Variants in BMPER observed in about 807,000 individuals in gnomAD.
BMPER encodes the protein BMP-binding endothelial regulator protein.
In BMPER, 45 loss-of-function variants were observed where a neutral mutation model predicts 87.3. The ratio of observed to expected loss-of-function variants is 0.52; its 90% CI spans 0.41 to 0.66. The LOEUF is 0.66. Ranked by LOEUF, BMPER falls within the 30% of genes least tolerant of loss-of-function variation. The pLI, the probability that BMPER is intolerant of heterozygous loss-of-function variation, is 0.00. For synonymous variants in BMPER, 326 were observed against 316.2 expected, an observed-to-expected ratio of 1.03 and a Z score of -0.33; for missense variants, 784 against 867.5, an observed-to-expected ratio of 0.90 and a Z score of 1.21.
chr7:33,942,876 T>A (rs1391414986), intron 3 of BMPER, among the ~76,000 whole-genome samples: 1 of 152,196 alleles, frequency 6.6e-6, no homozygotes, highest in Non-Finnish European at 1.5e-5. Context: ...ATCACTCTGA[T>A]GTTGAAGTGC....
chr7:34,081,237 T>A (rs913672650), intron 12 of BMPER, among the ~76,000 whole-genome samples: 1 of 152,384 alleles, frequency 6.6e-6, no homozygotes, highest in African/African-American at 2.4e-5. Context: ...CCTTTAGGGA[T>A]ATTATCTTTT....
intron 8 of BMPER, among the ~76,000 whole-genome samples, chr7:34,054,055 A>G (rs1046858325): frequency 1.3e-5 from 2 of 152,228 alleles, no homozygotes; most frequent in African/African-American, 4.8e-5. Flanking sequence ...TTACCTGGAT[A>G]GGTAACTTTC....
chr7:34,077,400 G>A (rs147461013), intron 11 of BMPER, among the ~76,000 whole-genome samples: 5 of 152,236 alleles, frequency 3.3e-5, no homozygotes, highest in East Asian at 3.9e-4. Flanking sequence ...AACAGAAAGG[G>A]AGGGTGAATT....
intron 6 of BMPER, among the ~76,000 whole-genome samples, chr7:33,993,342 TC>T (rs1786287467): frequency 2.0e-5 from 3 of 152,216 alleles, no homozygotes; most frequent in South Asian, 2.1e-4. Flanking sequence ...TCTCTAAACT[TC>T]CCTTCTCGCT....
At chr7:34,067,062 A>C (rs1422324000) in intron 11 of BMPER, among the ~76,000 whole-genome samples, 2 of 152,216 alleles carry the variant, frequency 1.3e-5, no homozygotes, top group African/African-American at 4.8e-5. Context: ...GGCTGATTGA[A>C]TATGCCGAGC....
intron 6 of BMPER, among the ~76,000 whole-genome samples, chr7:34,003,071 A>AT (rs1786627972): frequency 6.6e-6 from 1 of 151,576 alleles, no homozygotes; most frequent in African/African-American, 2.4e-5. Flanking sequence ...TGTATGTCTT[A>AT]TGTCTTTTTT....
intron 11 of BMPER, among the ~76,000 whole-genome samples, chr7:34,072,331 G>A (rs907231927): frequency 2.0e-5 from 3 of 152,064 alleles, no homozygotes; most frequent in Non-Finnish European, 4.4e-5. Context: ...CGAATGCATT[G>A]TTTTATAGTT....
At chr7:33,995,469 C>G (rs1250165107) in intron 6 of BMPER, among the ~76,000 whole-genome samples, 3 of 152,134 alleles carry the variant, frequency 2.0e-5, no homozygotes, top group African/African-American at 7.2e-5. Flanking sequence ...AAGGCTCTAT[C>G]ATGGATGCTG....
chr7:34,144,744 G>A lies in BMPER; in HGVS notation c.1876+1384G>A, dbSNP rs551588877. Among the ~76,000 whole-genome samples, 54 of 152,288 alleles carry A rather than the reference G, an allele frequency of 3.5e-4. No homozygotes were observed. In the South Asian group the frequency reaches 0.011, roughly 30 times the overall value. On this transcript the variant is annotated intron_variant, in intron 14 of 14. Coordinates refer to ENST00000649409, the MANE Select transcript of BMPER (RefSeq NM_001365308.1). Reference sequence around the variant, plus strand: ...ATTTAGATTTGAAGGAGAAATGACTGAATAGTTGTCACCTGGTTCAAGGAT... The same window carrying A: ...ATTTAGATTTGAAGGAGAAATGACTAAATAGTTGTCACCTGGTTCAAGGAT...
At chr7:34,078,802 CTG>C in intron 11 of BMPER, 53 bp from the exon 12 acceptor site, 1 of 1,577,960 alleles carries the variant, frequency 6.3e-7, no homozygotes, top group Non-Finnish European at 8.7e-7. Flanking sequence ...CCTGATTTCT[CTG>C]TGAATCCTTG....
intron 2 of BMPER, among the ~76,000 whole-genome samples, chr7:33,925,976 C>T (rs1030276660): frequency 3.3e-5 from 5 of 152,212 alleles, no homozygotes; most frequent in Non-Finnish European, 7.3e-5. Context: ...TCAAAACTGA[C>T]GATTCCTGCC....
At chr7:34,040,231 G>A (rs575027666) in intron 6 of BMPER, among the ~76,000 whole-genome samples, 2 of 152,266 alleles carry the variant, frequency 1.3e-5, no homozygotes, top group South Asian at 4.1e-4. Flanking sequence ...AGGAAGTGCT[G>A]CTGCCTGGTG....
chr7:34,028,913 G>C (rs1026289645), intron 6 of BMPER, among the ~76,000 whole-genome samples: 1 of 151,936 alleles, frequency 6.6e-6, no homozygotes, highest in African/African-American at 2.4e-5. Context: ...AATGATTTAG[G>C]CTGAACGATT....
At chr7:34,019,204 C>T (rs1787116726) in intron 6 of BMPER, among the ~76,000 whole-genome samples, 2 of 151,976 alleles carry the variant, frequency 1.3e-5, no homozygotes, top group South Asian at 4.2e-4. Context: ...GAGAACATTC[C>T]TTTCTTCCTT....
At chr7:34,137,385 T>C (rs1239112073) in intron 13 of BMPER, among the ~76,000 whole-genome samples, 1 of 152,206 alleles carries the variant, frequency 6.6e-6, no homozygotes, top group Non-Finnish European at 1.5e-5. Context: ...CAGATATCAG[T>C]GTCCAGCTGT....
chr7:34,030,277 T>G (rs1480479568), intron 6 of BMPER, among the ~76,000 whole-genome samples: 3 of 152,090 alleles, frequency 2.0e-5, no homozygotes, highest in Admixed American at 6.6e-5. Context: ...CTATAGAACC[T>G]TAGGAAAGAC....
chr7:33,957,204 C>T (rs1323146731), intron 3 of BMPER, among the ~76,000 whole-genome samples: 1 of 151,742 alleles, frequency 6.6e-6, no homozygotes, highest in Non-Finnish European at 1.5e-5. Context: ...CCCAGATGCC[C>T]TTCAGTAGGT....
At chr7:34,119,191 G>A (rs1790199708) in intron 13 of BMPER, among the ~76,000 whole-genome samples, 2 of 152,130 alleles carry the variant, frequency 1.3e-5, no homozygotes, top group African/African-American at 4.8e-5. Context: ...AAAACAACGA[G>A]GGATGTGTGA....
chr7:33,924,732 A>G (rs980439629), intron 2 of BMPER, among the ~76,000 whole-genome samples: 1 of 152,172 alleles, frequency 6.6e-6, no homozygotes, highest in Non-Finnish European at 1.5e-5. Context: ...CAATGGCGCA[A>G]TCTTGGCTCA....
Sources: gnomAD v4.1 joint callset for allele counts (sites outside exome capture counted in the v4.1 genomes callset) on GRCh38, gnomAD v4.1.1 for gene constraint, MANE v1.5 for transcripts, NCBI Gene and HGNC (gene_info 2026-07-23, HGNC 2026-07-21) for gene names.